Variants in SLC4A4 observed in about 807,000 individuals in gnomAD.
The protein encoded by SLC4A4 is electrogenic sodium bicarbonate cotransporter 1.
In SLC4A4, 27 loss-of-function variants were observed where a neutral mutation model predicts 111.5. That is an observed-to-expected ratio of 0.24 (90% CI 0.18 to 0.33). The LOEUF is 0.33. Among genes scored for constraint, SLC4A4 ranks in the 10% least tolerant of loss-of-function variants. SLC4A4 has a pLI of 1.00. For missense variants in SLC4A4, 909 were observed against 1,315.5 expected, an observed-to-expected ratio of 0.69 and a Z score of 4.78; for synonymous variants, 443 against 463.4, an observed-to-expected ratio of 0.96 and a Z score of 0.57.
chr4:71,562,913 TTTA>T (rs1389502950), intron 23 of SLC4A4, among the ~76,000 whole-genome samples: 1 of 151,860 alleles, frequency 6.6e-6, no homozygotes, highest in African/African-American at 2.4e-5. Context: ...ATGTTAAGAT[TTTA>T]TTAACATTAA....
intron 16 of SLC4A4, among the ~76,000 whole-genome samples, chr4:71,524,801 T>G (rs900710342): frequency 2.0e-5 from 3 of 152,150 alleles, no homozygotes; most frequent in African/African-American, 7.2e-5. Flanking sequence ...TTTTTTACAC[T>G]GCTGTTTAGC....
intron 1 of SLC4A4, among the ~76,000 whole-genome samples, chr4:71,209,133 T>G (rs895257303): frequency 6.6e-6 from 1 of 152,248 alleles, no homozygotes; most frequent in Non-Finnish European, 1.5e-5. Flanking sequence ...TTACTTTATA[T>G]GACAAGGGCA....
intron 5 of SLC4A4, among the ~76,000 whole-genome samples, chr4:71,351,149 CA>C (rs1223246061): frequency 1.3e-5 from 2 of 152,220 alleles, no homozygotes; most frequent in East Asian, 3.8e-4. Flanking sequence ...AGCTGCCCTG[CA>C]CCATGAGGTT....
intron 3 of SLC4A4, among the ~76,000 whole-genome samples, chr4:71,317,668 G>T (rs1400126445): frequency 6.6e-6 from 1 of 152,066 alleles, no homozygotes. Context: ...TTTGGACAGT[G>T]GGATTTAGAA....
At chr4:71,494,131 T>C (rs770584807) in intron 15 of SLC4A4, among the ~76,000 whole-genome samples, 16 of 152,164 alleles carry the variant, frequency 1.1e-4, no homozygotes, top group Non-Finnish European at 2.1e-4. Context: ...ACATCTCTCC[T>C]AGATCTAGGT....
At chr4:71,550,593 T>G (rs1735902023) in intron 20 of SLC4A4, among the ~76,000 whole-genome samples, 1 of 151,828 alleles carries the variant, frequency 6.6e-6, no homozygotes, top group African/African-American at 2.4e-5. Flanking sequence ...GAGGACAACT[T>G]AAGAGAATCA....
intron 12 of SLC4A4, among the ~76,000 whole-genome samples, chr4:71,455,839 C>T (rs1012758724): frequency 6.6e-6 from 1 of 152,140 alleles, no homozygotes; most frequent in South Asian, 2.1e-4. Flanking sequence ...CTGTTCAGAT[C>T]TGTTTTGATC....
At chr4:71,446,434 G>A (rs1261790086) in intron 8 of SLC4A4, among the ~76,000 whole-genome samples, 2 of 152,138 alleles carry the variant, frequency 1.3e-5, no homozygotes, top group Non-Finnish European at 2.9e-5. Context: ...GTCATTTTTG[G>A]ACTTCTGTTA....
At chr4:71,440,577 G>A in intron 7 of SLC4A4, 39 bp from the exon 8 acceptor site, 1 of 1,613,248 alleles carries the variant, frequency 6.2e-7, no homozygotes, top group Admixed American at 1.7e-5. Context: ...CAGGAACCTT[G>A]TGGAACTAAA....
intron 2 of SLC4A4, among the ~76,000 whole-genome samples, chr4:71,133,860 T>C (rs1395659991): frequency 6.6e-6 from 1 of 152,226 alleles, no homozygotes; most frequent in South Asian, 2.1e-4. Flanking sequence ...TTTCAAGGAC[T>C]GAAACTCTTC....
At chr4:71,392,510 C>A (rs1719392578) in intron 6 of SLC4A4, among the ~76,000 whole-genome samples, 1 of 152,028 alleles carries the variant, frequency 6.6e-6, no homozygotes, top group Non-Finnish European at 1.5e-5. Flanking sequence ...GATTCAGAAT[C>A]CCCTGGAGGG....
intron 6 of SLC4A4, among the ~76,000 whole-genome samples, chr4:71,376,445 C>T (rs1198627377): frequency 6.6e-6 from 1 of 151,030 alleles, no homozygotes; most frequent in Non-Finnish European, 1.5e-5. Flanking sequence ...CCTCGTGATC[C>T]ACCCGCCTCA....
chr4:71,309,684 G>A (rs181100145), intron 3 of SLC4A4, among the ~76,000 whole-genome samples: 354 of 152,242 alleles, frequency 2.3e-3, no homozygotes, highest in Non-Finnish European at 4.4e-3. Flanking sequence ...AATGTCATCA[G>A]TCTCAAGGAT....
At chr4:71,385,163 G>T (rs1489890117) in intron 6 of SLC4A4, among the ~76,000 whole-genome samples, 9 of 101,530 alleles carry the variant, frequency 8.9e-5, no homozygotes, top group African/African-American at 2.8e-4. Flanking sequence ...TGTCAATATA[G>T]GTTAGATTTA....
chr4:71,376,499 G>C (rs1033231991), intron 6 of SLC4A4, among the ~76,000 whole-genome samples: 1 of 150,668 alleles, frequency 6.6e-6, no homozygotes, highest in Admixed American at 6.6e-5. Flanking sequence ...CACTGCATCT[G>C]GCCTCCTAAA....
chr4:71,366,496 A>G (rs1238911966), intron 6 of SLC4A4, among the ~76,000 whole-genome samples: 1 of 152,184 alleles, frequency 6.6e-6, no homozygotes, highest in Non-Finnish European at 1.5e-5. Context: ...CAGTCTAAAT[A>G]TTGGATACCA....
chr4:71,571,727 G>A lies in SLC4A4; in HGVS notation c.*3976G>A, dbSNP rs1737943982. 6.6e-6 allele frequency: 1 copy of A among 152,136 alleles called. No individual in the cohort carries two copies. Among genetic ancestry groups the A allele is most frequent in the Admixed American group, 6.6e-5 (1 of 15,178 alleles). 9.4% of individuals were successfully genotyped at this position (152,136 alleles called of 1,614,324 possible). A position where few individuals can be genotyped will look rare whatever the true frequency, so the allele number is the denominator to read the frequency against. On this transcript the variant is annotated 3_prime_UTR_variant, in exon 26 of 26. Transcript: ENST00000264485. ...GTTGCCTCTTTTTAGCCATTTTCAT[G>A]GCTGGTACATATTCGTACGCATTAC...
At chr4:71,226,916 A>G (rs1305289992) in intron 1 of SLC4A4, among the ~76,000 whole-genome samples, 1 of 152,094 alleles carries the variant, frequency 6.6e-6, no homozygotes, top group Non-Finnish European at 1.5e-5. Context: ...GACTATGTGT[A>G]GTGACTATGC....
intron 7 of SLC4A4, among the ~76,000 whole-genome samples, chr4:71,417,806 C>G (rs558485623): frequency 6.6e-6 from 1 of 152,244 alleles, no homozygotes; most frequent in South Asian, 2.1e-4. Context: ...AAAATAGCTT[C>G]TAAACTTTAG....
Sources: allele counts gnomAD v4.1 joint callset (sites outside exome capture counted in the v4.1 genomes callset), GRCh38; gene constraint gnomAD v4.1.1; transcripts MANE v1.5; gene names NCBI Gene and HGNC (gene_info 2026-07-23, HGNC 2026-07-21).